The following NECTIN1 variants were observed in gnomAD, a reference collection of about 807,000 sequenced individuals.
NECTIN1 encodes nectin-1.
NECTIN1 carries 23 observed loss-of-function variants against 48.0 expected under a neutral mutation model. The ratio of observed to expected loss-of-function variants is 0.48; its 90% CI spans 0.34 to 0.68. The LOEUF (loss-of-function observed/expected upper bound fraction) is 0.68. NECTIN1 is among the 30% of genes least tolerant of loss of function. The pLI is 0.01. For synonymous variants in NECTIN1, 270 were observed against 288.9 expected (o/e 0.93, Z 0.66); for missense variants, 591 against 709.9 (o/e 0.83, Z 1.90).
chr11:119,679,247 G>A (rs1270950729), intron 1 of NECTIN1, among the ~76,000 whole-genome samples: 1 of 152,182 alleles, frequency 6.6e-6, no homozygotes, highest in Non-Finnish European at 1.5e-5. Context: ...GTTATATGGG[G>A]TGGAGAATCC....
At chr11:119,659,104 C>T (rs1223117127), downstream of NECTIN1, 2 of 152,224 alleles carry the variant, frequency 1.3e-5, no homozygotes, top group African/African-American at 2.4e-5. Context: ...GACCCACTCC[C>T]GTCCTGTGCT....
chr11:119,663,410 A>G lies in NECTIN1; in HGVS notation c.*1337T>C, dbSNP rs114244021. 1.2e-3 allele frequency: 1,171 copies of G among 985,438 alleles called. 11 individuals carry two copies. In the African/African-American group the frequency reaches 0.019, roughly 16 times the overall value. 61.0% of individuals were successfully genotyped at this position (985,438 alleles called of 1,614,324 possible). On this transcript the variant is annotated 3_prime_UTR_variant, in exon 6 of 6. Transcript: ENST00000264025. ...AAGAAGGGAATCTGCACTGAAAGGG[A>G]GGGCTTCTCCTAGGCCCTCCCCTCA... is the stretch of plus-strand genomic sequence containing the variant.
rs1211503502 is a variant in NECTIN1, at chr11:119,693,421, A to G, written c.80-14656T>C. On this transcript the variant is annotated intron_variant, in intron 1 of 5. Coordinates refer to ENST00000264025, the MANE Select transcript of NECTIN1 (RefSeq NM_002855.5). ...CCATTTACATGTAAAATCTCATTTA[A>G]TCTTCACAACTACCCCGAGTGGGGA... Among the ~76,000 whole-genome samples the G allele has an allele frequency of 2.6e-5, 4 of 152,376 alleles. No homozygotes were observed. In the East Asian group the frequency reaches 7.7e-4, roughly 29 times the overall value.
In NECTIN1 at chr11:119,664,663, G is replaced by A. The variant is rs559757852; in HGVS notation, c.*84C>T. On this transcript the variant is annotated 3_prime_UTR_variant, in exon 6 of 6. Coordinates refer to ENST00000264025, the MANE Select transcript of NECTIN1 (RefSeq NM_002855.5). Reference sequence around the variant, plus strand: ...CTGGGCAAGTCTCTGTTCAGCTCCTGGAGTGGGAGGTGGGGGGTGGGCAGG... The same window carrying A: ...CTGGGCAAGTCTCTGTTCAGCTCCTAGAGTGGGAGGTGGGGGGTGGGCAGG... 5.0e-4 allele frequency: 735 copies of A among 1,480,692 alleles called. 6 individuals are homozygous for A. In the African/African-American group the frequency reaches 7.7e-3, roughly 16 times the overall value. The allele number at this position is 1,480,692 out of a possible 1,614,324, so 91.7% of individuals were successfully genotyped here.
Position 119,728,490 on chromosome 11 carries a change from C to A in NECTIN1, c.64G>T (p.Ala22Ser), listed in dbSNP as rs772078803. The change falls in exon 1 of 6, where the codon GCA becomes TCA. Residue 22 changes from alanine (A) to serine (S), a missense_variant. Ala to Ser is a moderately conservative substitution (Grantham distance 99). Coordinates refer to ENST00000264025, the MANE Select transcript of NECTIN1 (RefSeq NM_002855.5). ...RWWGLALGLT[A>S]FFLPGVHSQV... ...GCGCTCTTACCTGGGAGGAAGAATGCGGTCAAGCCGAGAGCGAGTCCCCAC... is the reference window on the plus strand; with the variant it reads ...GCGCTCTTACCTGGGAGGAAGAATGAGGTCAAGCCGAGAGCGAGTCCCCAC... 2.5e-6 allele frequency: 4 copies of A among 1,601,166 alleles called. No individual in the cohort carries two copies. Among genetic ancestry groups the A allele is most frequent in the South Asian group, 1.1e-5 (1 of 88,972 alleles).
intron 1 of NECTIN1, among the ~76,000 whole-genome samples, chr11:119,699,387 C>T (rs1032109944): frequency 1.3e-5 from 2 of 152,166 alleles, no homozygotes; most frequent in South Asian, 2.1e-4. Flanking sequence ...GGCCAGCAGA[C>T]GCCAACTAGC....
chr11:119,698,749 C>T (rs1436787876), intron 1 of NECTIN1, among the ~76,000 whole-genome samples: 1 of 152,182 alleles, frequency 6.6e-6, no homozygotes, highest in Non-Finnish European at 1.5e-5. Flanking sequence ...AACGTATGTA[C>T]ATGGTTAGCC....
intron 1 of NECTIN1, among the ~76,000 whole-genome samples, chr11:119,682,307 C>A (rs1330466889): frequency 6.6e-6 from 1 of 152,048 alleles, no homozygotes; most frequent in African/African-American, 2.4e-5. Flanking sequence ...AGGTGGGCCA[C>A]GAGAAGGGAC....
intron 1 of NECTIN1, 55 bp downstream of exon 1, chr11:119,728,420 C>A: frequency 6.7e-7 from 1 of 1,501,822 alleles, no homozygotes; most frequent in East Asian, 2.4e-5. Context: ...ATCCGGCTCC[C>A]AGCCCCGGGG....
At position 119,681,629 on chromosome 11, in the gene NECTIN1, C is replaced by T. The variant is rs58117702; in HGVS notation, c.80-2864G>A. Among the ~76,000 whole-genome samples, 638 of 152,266 alleles carry T rather than the reference C, an allele frequency of 4.2e-3. 6 individuals are homozygous for T. The East Asian group carries it at 0.049, about 12-fold the overall frequency. On this transcript the variant is annotated intron_variant, in intron 1 of 5. Coordinates refer to ENST00000264025, the MANE Select transcript of NECTIN1 (RefSeq NM_002855.5). ...GGTGCTGCAAGGTGGCCGGGCACCC[C>T]AGAGGCCCCCTTACATCTACCAATC...
In NECTIN1 at chr11:119,687,889, G is replaced by A. The variant is rs539479307; in HGVS notation, c.80-9124C>T. 3.3e-4 allele frequency among the ~76,000 whole-genome samples: 50 copies of A among 151,790 alleles called. No individual in the cohort carries two copies. In the South Asian group the frequency reaches 0.01, roughly 31 times the overall value. On this transcript the variant is annotated intron_variant, in intron 1 of 5. Coordinates refer to ENST00000264025, the MANE Select transcript of NECTIN1 (RefSeq NM_002855.5). ...TGGGCAGCTGCCTGCTCGGATGGCCGGGGGGGTGAGTGGAAGGCAGTGGGG... is the reference window on the plus strand; with the variant it reads ...TGGGCAGCTGCCTGCTCGGATGGCCAGGGGGGTGAGTGGAAGGCAGTGGGG...
At chr11:119,640,003 C>A in exon 6 of NECTIN1, 1 of 1,611,734 alleles carries the variant, frequency 6.2e-7, no homozygotes. Context: ...CCTCTGGGGG[C>A]GGGGCTTTTC....
At chr11:119,698,270 C>T (rs1479282428) in intron 1 of NECTIN1, among the ~76,000 whole-genome samples, 3 of 152,268 alleles carry the variant, frequency 2.0e-5, no homozygotes, top group Admixed American at 6.5e-5. Flanking sequence ...ACTTTCCCAG[C>T]TGAAGGGTGC....
rs143612966 is a variant in NECTIN1, at chr11:119,638,802, C to T, written c.1156G>A (p.Asp386Asn). ...TCCGGCTTCTGGGAGAGGGGCTGGT[C>T]GGTCCTGGAGACAGAATGAGGGTAA... Residue 386 changes from aspartate (D) to asparagine (N), a missense_variant, in exon 7 of 8, where the codon GAC (aspartate) becomes AAC (asparagine). Physicochemically the swap from Asp to Asn is conservative, Grantham distance 23 (BLOSUM62 1). Coordinates refer to the NECTIN1 transcript ENST00000341398. 553 of 1,613,592 alleles carry T rather than the reference C, an allele frequency of 3.4e-4. 4 individuals carry two copies. The African/African-American group carries it at 4.7e-3, about 14-fold the overall frequency.
At chr11:119,638,907 A>G in intron 6 of NECTIN1, 2 of 1,100,450 alleles carry the variant, frequency 1.8e-6, no homozygotes, top group Non-Finnish European at 2.7e-6. Flanking sequence ...CACTCACAAG[A>G]GCAGGCCCGG....
At chr11:119,641,701 C>G (rs2135523856) in intron 5 of NECTIN1, 1 of 152,478 alleles carries the variant, frequency 6.6e-6, no homozygotes, top group East Asian at 1.9e-4. Context: ...CCCCTGCACT[C>G]TCTTTCAGTC....
At chr11:119,685,186 C>T (rs963166851) in intron 1 of NECTIN1, among the ~76,000 whole-genome samples, 4 of 152,220 alleles carry the variant, frequency 2.6e-5, no homozygotes, top group African/African-American at 9.6e-5. Flanking sequence ...ATCCCATGAG[C>T]CCACAGTCAG....
chr11:119,642,060 G>A (rs2089648), intron 5 of NECTIN1: 5,258 of 152,282 alleles, frequency 0.035, 139 homozygotes, highest in Non-Finnish European at 0.052. Context: ...GACTGTGATT[G>A]CACGTCTGAC....
intron 5 of NECTIN1, chr11:119,640,127 C>T: frequency 8.9e-7 from 1 of 1,123,354 alleles, no homozygotes; most frequent in Non-Finnish European, 1.3e-6. Flanking sequence ...GACATTGCAC[C>T]CCCAGCTCCC....
Sources: gnomAD v4.1 joint callset for allele counts (sites outside exome capture counted in the v4.1 genomes callset) on GRCh38, gnomAD v4.1.1 for gene constraint, MANE v1.5 for transcripts, NCBI Gene and HGNC (gene_info 2026-07-23, HGNC 2026-07-21) for gene names.